The following MAML2 variants were observed in gnomAD, a reference collection of about 807,000 sequenced individuals.
The protein encoded by MAML2 is mastermind-like protein 2.
In MAML2, 22 loss-of-function variants were observed where a neutral mutation model predicts 96.1. The observed-to-expected ratio is 0.23, with a 90% CI of 0.16 to 0.33. The LOEUF (loss-of-function observed/expected upper bound fraction) is 0.33. MAML2 is among the 10% of genes least tolerant of loss of function. MAML2 has a pLI of 1.00. For missense variants in MAML2, 1,367 were observed against 1,392.4 expected (o/e 0.98, Z 0.29); for synonymous variants, 561 against 521.3 (o/e 1.08, Z -1.04).
At chr11:96,325,554 A>G (rs1863763356) in intron 1 of MAML2, among the ~76,000 whole-genome samples, 1 of 152,102 alleles carries the variant, frequency 6.6e-6, no homozygotes, top group Non-Finnish European at 1.5e-5. Context: ...ATGTACATAT[A>G]TTATTATTAT....
intron 2 of MAML2, among the ~76,000 whole-genome samples, chr11:96,075,426 G>A (rs1292603265): frequency 2.0e-5 from 3 of 152,138 alleles, no homozygotes; most frequent in Admixed American, 6.6e-5. Flanking sequence ...CAAATTGTAT[G>A]GTGTCTATTA....
rs546742146 is a variant in MAML2, at chr11:96,060,416, C to T, written c.2139+31476G>A. Among the ~76,000 whole-genome samples the T allele has an allele frequency of 1.3e-4, 19 of 151,942 alleles. No homozygotes were observed. The East Asian group carries it at 2.5e-3, about 20-fold the overall frequency. Reference sequence around the variant, plus strand: ...AATTTTTTGTCCCTATGTCTCTATACGTGGATCCGGACTTGTTAGACCATT... The same window carrying T: ...AATTTTTTGTCCCTATGTCTCTATATGTGGATCCGGACTTGTTAGACCATT... On this transcript the variant is annotated intron_variant, in intron 2 of 4. Coordinates refer to ENST00000524717, the MANE Select transcript of MAML2 (RefSeq NM_032427.4).
intron 4 of MAML2, among the ~76,000 whole-genome samples, chr11:95,983,376 T>G (rs957161645): frequency 2.0e-5 from 3 of 152,076 alleles, no homozygotes; most frequent in South Asian, 2.1e-4. Context: ...AAGTAGAGAA[T>G]AGAATTGCGG....
intron 1 of MAML2, among the ~76,000 whole-genome samples, chr11:96,121,416 A>C (rs1860338011): frequency 6.6e-6 from 1 of 152,206 alleles, no homozygotes; most frequent in Admixed American, 6.5e-5. Flanking sequence ...CAGGAAGGAA[A>C]GAATTGGATT....
rs868492860 is a variant in MAML2 at position 96,142,650 on chromosome 11, C to T, written c.514-49133G>A. On this transcript the variant is annotated intron_variant, in intron 1 of 4. Coordinates refer to ENST00000524717, the MANE Select transcript of MAML2 (RefSeq NM_032427.4). Reference sequence around the variant, plus strand: ...CCTTTTATACTAAAGAAAGTATTGCCAATGCCAAAGAACGAAATTATCCTT... The same window carrying T: ...CCTTTTATACTAAAGAAAGTATTGCTAATGCCAAAGAACGAAATTATCCTT... Among the ~76,000 whole-genome samples the T allele has an allele frequency of 3.3e-5, 5 of 152,158 alleles. No individual in the cohort carries two copies. In the South Asian group the frequency reaches 1.0e-3, roughly 32 times the overall value.
At chr11:96,214,329 C>T (rs934728402) in intron 1 of MAML2, among the ~76,000 whole-genome samples, 6 of 152,314 alleles carry the variant, frequency 3.9e-5, no homozygotes, top group East Asian at 3.9e-4. Flanking sequence ...AATCTTAGCA[C>T]GTCCTCTTAG....
intron 2 of MAML2, among the ~76,000 whole-genome samples, chr11:96,089,603 G>T (rs1859672433): frequency 6.6e-6 from 1 of 152,174 alleles, no homozygotes; most frequent in Non-Finnish European, 1.5e-5. Flanking sequence ...TTATCAGAAT[G>T]TGTATACTTC....
chr11:96,230,060 A>T (rs990645816), intron 1 of MAML2, among the ~76,000 whole-genome samples: 1 of 152,206 alleles, frequency 6.6e-6, no homozygotes, highest in East Asian at 1.9e-4. Context: ...CAGCTTTAAG[A>T]AAAAACATTT....
At chr11:95,980,195 G>A (rs781769250) in intron 4 of MAML2, among the ~76,000 whole-genome samples, 1 of 152,102 alleles carries the variant, frequency 6.6e-6, no homozygotes, top group Non-Finnish European at 1.5e-5. Flanking sequence ...GACTAAAATA[G>A]AATAGTTCTA....
intron 1 of MAML2, among the ~76,000 whole-genome samples, chr11:96,255,350 TA>T (rs1178028816): frequency 6.6e-6 from 1 of 152,248 alleles, no homozygotes; most frequent in Admixed American, 6.5e-5. Context: ...GTGAATCTTG[TA>T]ACAACCTTTT....
At chr11:96,102,781 G>A (rs1859956485) in intron 1 of MAML2, among the ~76,000 whole-genome samples, 1 of 152,156 alleles carries the variant, frequency 6.6e-6, no homozygotes, top group South Asian at 2.1e-4. Context: ...GGGACATTCA[G>A]AGATGGACCC....
In MAML2 at chr11:96,002,943, TAAG is replaced by T. The variant is rs545488356; in HGVS notation, c.2140-11223_2140-11221del. Among the ~76,000 whole-genome samples, 308 of 141,664 alleles carry T rather than the reference TAAG, an allele frequency of 2.2e-3. 5 individuals are homozygous for T. The highest frequency in any genetic ancestry group is 7.9e-4 in the Non-Finnish European group (52 of 66,156). 92.9% of individuals were successfully genotyped at this position (141,664 alleles called of 152,430 possible). A position where few individuals can be genotyped will look rare whatever the true frequency, so the allele number is the denominator to read the frequency against. Reference sequence around the variant, plus strand: ...GGGATAAGGAAGATGATGGGGATGATAAGAAGGATGATGGCGATGATGAAGATG... The same window carrying T: ...GGGATAAGGAAGATGATGGGGATGATAAGGATGATGGCGATGATGAAGATG... On this transcript the variant is annotated intron_variant, in intron 2 of 4. Transcript: ENST00000524717.
Position 96,092,864 on chromosome 11 carries a change from G to C in MAML2, c.1167C>G (p.Pro389=), listed in dbSNP as rs1247821796. ...SPQLRPPSAG[P]AFSMANSALS... ...GGGCAGAGTTGGCCATGGAGAATGCGGGGCCAGCTGATGGGGGCCTCAGCT... is the reference window on the plus strand; with the variant it reads ...GGGCAGAGTTGGCCATGGAGAATGCCGGGCCAGCTGATGGGGGCCTCAGCT... The change falls in exon 2 of 5, where the codon CCC becomes CCG. Residue 389 remains proline, a synonymous_variant. Coordinates refer to ENST00000524717, the MANE Select transcript of MAML2 (RefSeq NM_032427.4). The surrounding 1 kb of genome is among the most constrained non-coding windows in gnomAD (Gnocchi z 4.1). The C allele has an allele frequency of 6.2e-7, 1 of 1,606,122 alleles. No homozygotes were observed. The highest frequency in any genetic ancestry group is 8.5e-7 in the Non-Finnish European group (1 of 1,175,694).
chr11:96,160,274 T>C (rs1040123476), intron 1 of MAML2, among the ~76,000 whole-genome samples: 2 of 152,176 alleles, frequency 1.3e-5, no homozygotes, highest in African/African-American at 2.4e-5. Flanking sequence ...GCCTCCTATT[T>C]CGTCTCTTCC....
At chr11:96,237,672 T>C (rs1325680752) in intron 1 of MAML2, among the ~76,000 whole-genome samples, 2 of 152,230 alleles carry the variant, frequency 1.3e-5, no homozygotes, top group Non-Finnish European at 1.5e-5. Flanking sequence ...GACCAAACTT[T>C]TATTCATTAA....
intron 1 of MAML2, among the ~76,000 whole-genome samples, chr11:96,150,613 A>T (rs1860903904): frequency 6.6e-6 from 1 of 152,190 alleles, no homozygotes. Flanking sequence ...ACATGCTCAA[A>T]GCACCCACAC....
intron 1 of MAML2, among the ~76,000 whole-genome samples, chr11:96,191,770 CAAA>C (rs11396681): frequency 1.7e-5 from 2 of 116,622 alleles, no homozygotes; most frequent in African/African-American, 3.1e-5. Context: ...AACTCTGTCT[CAAA>C]AAAAAAAAAA....
At chr11:96,308,329 T>C (rs2136002663) in intron 1 of MAML2, among the ~76,000 whole-genome samples, 1 of 152,278 alleles carries the variant, frequency 6.6e-6, no homozygotes, top group East Asian at 1.9e-4. Flanking sequence ...AATTCTGAAA[T>C]ATAACTGAAG....
intron 1 of MAML2, among the ~76,000 whole-genome samples, chr11:96,212,515 A>G (rs1475715765): frequency 6.6e-6 from 1 of 152,210 alleles, no homozygotes; most frequent in Non-Finnish European, 1.5e-5. Context: ...CCAACTTAAT[A>G]GTAGAGAAGA....
Sources: allele counts gnomAD v4.1 joint callset (sites outside exome capture counted in the v4.1 genomes callset), GRCh38; gene constraint gnomAD v4.1.1; non-coding constraint Gnocchi (gnomAD v3.1); transcripts MANE v1.5; gene names NCBI Gene and HGNC (gene_info 2026-07-23, HGNC 2026-07-21).